The following RAB27A variants were observed in gnomAD, a reference collection of about 807,000 sequenced individuals.
RAB27A encodes RAB27A, member RAS oncogene family.
In RAB27A, 17 loss-of-function variants were observed where a neutral mutation model predicts 20.8. The ratio of observed to expected loss-of-function variants is 0.82; its 90% CI spans 0.56 to 1.23. RAB27A has a LOEUF of 1.23. Among genes scored for constraint, RAB27A ranks in the 50% most tolerant of loss-of-function variants. RAB27A has a pLI of 0.00. For synonymous variants in RAB27A, 85 were observed against 92.8 expected (o/e 0.92, Z 0.48); for missense variants, 277 against 266.7 (o/e 1.04, Z -0.27).
intron 1 of RAB27A, among the ~76,000 whole-genome samples, chr15:55,283,473 A>G (rs77709600): frequency 4.3e-4 from 65 of 152,268 alleles, no homozygotes; most frequent in African/African-American, 1.3e-3. Flanking sequence ...TTCACTACAC[A>G]ACCCACTTCA....
At chr15:55,267,800 C>A (rs146925709) in intron 2 of RAB27A, among the ~76,000 whole-genome samples, 9 of 152,092 alleles carry the variant, frequency 5.9e-5, no homozygotes, top group African/African-American at 2.2e-4. Flanking sequence ...ACTCAGGTAC[C>A]GAGGGTCCAG....
chr15:55,262,849 C>A (rs1897326107), intron 2 of RAB27A, among the ~76,000 whole-genome samples: 1 of 151,998 alleles, frequency 6.6e-6, no homozygotes, highest in African/African-American at 2.4e-5. Flanking sequence ...GCCACCACGC[C>A]CAGCCCAGTC....
chr15:55,221,116 G>A lies in RAB27A; in HGVS notation c.467+2773C>T, dbSNP rs916701015. ...ATGACAGAAGGCAGGGTTAGGCTCT[G>A]TGAAACCAGACAGGCTGTGGAATCC... On this transcript the variant is annotated intron_variant, in intron 6 of 6. Coordinates refer to ENST00000336787, the MANE Select transcript of RAB27A (RefSeq NM_183235.3). Among the ~76,000 whole-genome samples the A allele has an allele frequency of 1.3e-4, 20 of 152,262 alleles. 1 individual carries two copies. Among genetic ancestry groups the A allele is most frequent in the South Asian group, 1.2e-3 (6 of 4,826 alleles).
chr15:55,243,188 C>A (rs1007848456), intron 2 of RAB27A, among the ~76,000 whole-genome samples: 1 of 151,964 alleles, frequency 6.6e-6, no homozygotes. Flanking sequence ...CTGGTCATTG[C>A]AAATCCAAGA....
chr15:55,265,637 TAAA>T (rs113697268), intron 2 of RAB27A, among the ~76,000 whole-genome samples: 2 of 140,496 alleles, frequency 1.4e-5, no homozygotes, highest in African/African-American at 2.6e-5. Flanking sequence ...TGCTCAAAAT[TAAA>T]AAAAAAAAAA....
At chr15:55,225,560 C>T (rs1214740653) in intron 5 of RAB27A, among the ~76,000 whole-genome samples, 1 of 152,146 alleles carries the variant, frequency 6.6e-6, no homozygotes, top group Non-Finnish European at 1.5e-5. Flanking sequence ...TTTAAAAAGT[C>T]CTCCAGGTGA....
intron 1 of RAB27A, among the ~76,000 whole-genome samples, chr15:55,273,122 A>C (rs1344814133): frequency 6.6e-6 from 1 of 152,206 alleles, no homozygotes; most frequent in East Asian, 1.9e-4. Context: ...TGAAAGACAT[A>C]GAGGTTGGGC....
Position 55,224,127 on chromosome 15 carries a change from T to C in RAB27A, c.344-115A>G, listed in dbSNP as rs947215288. On this transcript the variant is annotated intron_variant, in intron 5 of 6. Transcript: ENST00000336787. ...ATAATGTATATATAGATATTGGGAATTGACATAATGCTTTCAAAGCATCAG... is the reference window on the plus strand; with the variant it reads ...ATAATGTATATATAGATATTGGGAACTGACATAATGCTTTCAAAGCATCAG... 6.4e-6 allele frequency: 5 copies of C among 776,986 alleles called. No homozygotes were observed. In the African/African-American group the frequency reaches 7.1e-5, roughly 11 times the overall value. The allele number at this position is 776,986 out of a possible 1,614,324, so 48.1% of individuals were successfully genotyped here.
At chr15:55,278,043 C>G (rs949974158) in intron 1 of RAB27A, among the ~76,000 whole-genome samples, 2 of 152,164 alleles carry the variant, frequency 1.3e-5, no homozygotes, top group Non-Finnish European at 2.9e-5. Context: ...CTATTATACT[C>G]ACTTGCATAT....
intron 1 of RAB27A, among the ~76,000 whole-genome samples, chr15:55,318,098 C>CTTT (rs200901102): frequency 1.5e-5 from 2 of 131,420 alleles, no homozygotes; most frequent in Non-Finnish European, 1.6e-5. Context: ...CATACTTTTT[C>CTTT]TTTTTTTTTT....
At chr15:55,294,382 A>G (rs1808463249), upstream of RAB27A, among the ~76,000 whole-genome samples, 1 of 152,040 alleles carries the variant, frequency 6.6e-6, no homozygotes, top group African/African-American at 2.4e-5. Flanking sequence ...GAGCTCAGGA[A>G]TTCCAGACCC....
At position 55,310,811 on chromosome 15, in the gene RAB27A, C is replaced by T. The variant is rs143269828; in HGVS notation, c.-112+3228G>A. ...TGTCTGCAGCTGACTGAGTGATAAACTTATCCTCTAAGATTAGTTGGCCTT... is the reference window on the plus strand; with the variant it reads ...TGTCTGCAGCTGACTGAGTGATAAATTTATCCTCTAAGATTAGTTGGCCTT... On this transcript the variant is annotated intron_variant, in intron 2 of 5. Transcript: ENST00000563262. 1.3e-3 allele frequency among the ~76,000 whole-genome samples: 202 copies of T among 152,308 alleles called. 2 individuals carry two copies. Among genetic ancestry groups the T allele is most frequent in the African/African-American group, 4.7e-3 (194 of 41,572 alleles).
intron 1 of RAB27A, 73 bp from the exon 2 acceptor site, chr15:55,270,357 A>T (rs35423738): frequency 1.3e-5 from 2 of 152,204 alleles, no homozygotes; most frequent in Non-Finnish European, 2.9e-5. Flanking sequence ...GAGTCTTTGG[A>T]AAAGCAGTTC....
chr15:55,246,848 A>G (rs138174044), intron 2 of RAB27A, among the ~76,000 whole-genome samples: 1 of 152,066 alleles, frequency 6.6e-6, no homozygotes, highest in South Asian at 2.1e-4. Context: ...CAAAATCTAC[A>G]AAGTATGCTC....
At chr15:55,224,385 T>A (rs774163556) in intron 5 of RAB27A, among the ~76,000 whole-genome samples, 8 of 152,248 alleles carry the variant, frequency 5.3e-5, no homozygotes, top group Non-Finnish European at 8.8e-5. Context: ...TTACTGCTAA[T>A]CTTAAAACTG....
chr15:55,239,580 A>G (rs1347336760), intron 2 of RAB27A, among the ~76,000 whole-genome samples: 3 of 152,176 alleles, frequency 2.0e-5, no homozygotes, highest in African/African-American at 7.2e-5. Context: ...ACAGGGAAAT[A>G]TGTGATGAGT....
chr15:55,291,655 G>A (rs1898315232), upstream of RAB27A, among the ~76,000 whole-genome samples: 1 of 151,840 alleles, frequency 6.6e-6, no homozygotes, highest in South Asian at 2.1e-4. Flanking sequence ...ATATGGCACA[G>A]GGAAAGCCTG....
intron 6 of RAB27A, among the ~76,000 whole-genome samples, chr15:55,222,201 C>T (rs1895603441): frequency 1.3e-5 from 2 of 152,198 alleles, no homozygotes; most frequent in Admixed American, 1.3e-4. Context: ...TAAAAGTTCT[C>T]TGGATGTTTC....
chr15:55,274,009 T>G (rs1056074997), intron 1 of RAB27A, among the ~76,000 whole-genome samples: 4 of 152,066 alleles, frequency 2.6e-5, no homozygotes, highest in Non-Finnish European at 5.9e-5. Flanking sequence ...ACAAAACAAG[T>G]CTCAACAAAT....
Sources: gnomAD v4.1 joint callset for allele counts (sites outside exome capture counted in the v4.1 genomes callset) on GRCh38, gnomAD v4.1.1 for gene constraint, MANE v1.5 for transcripts, NCBI Gene and HGNC (gene_info 2026-07-23, HGNC 2026-07-21) for gene names.